Variants in CDH2 observed in about 807,000 individuals in gnomAD.
CDH2 encodes the protein cadherin-2.
Under a neutral mutation model 92.0 loss-of-function variants are expected in CDH2, and 17 were observed. The observed-to-expected ratio is 0.18, with a 90% CI of 0.13 to 0.28. CDH2 has a LOEUF of 0.28. Ranked by LOEUF, CDH2 falls within the 10% of genes least tolerant of loss-of-function variation. The pLI is 1.00. For missense variants in CDH2, 862 were observed against 1,133.1 expected (o/e 0.76, Z 3.44); for synonymous variants, 419 against 415.9 (o/e 1.01, Z -0.09).
rs1269263873 is a variant in CDH2 at position 28,079,224 on chromosome 18, G to GT, written c.173-65316dup. Reference sequence around the variant, plus strand: ...ATCATCATCCATGAATGGGATAAGTGTTTTTTCTCATCCTCCCTTCAGATT... The same window carrying GT: ...ATCATCATCCATGAATGGGATAAGTGTTTTTTTCTCATCCTCCCTTCAGATT... On this transcript the variant is annotated intron_variant, in intron 2 of 15. Coordinates refer to ENST00000269141, the MANE Select transcript of CDH2 (RefSeq NM_001792.5). 1.5e-4 allele frequency among the ~76,000 whole-genome samples: 23 copies of GT among 152,224 alleles called. 1 individual carries two copies. The highest frequency in any genetic ancestry group is 1.3e-3 in the Admixed American group (20 of 15,292).
rs556495636 is a variant in CDH2 at position 28,045,623 on chromosome 18, T to C, written c.173-31714A>G. 71 of 307,256 alleles carry C rather than the reference T, an allele frequency of 2.3e-4. 2 individuals are homozygous for C. The highest frequency in any genetic ancestry group is 2.0e-3 in the South Asian group (68 of 34,266). 19.0% of individuals were successfully genotyped at this position (307,256 alleles called of 1,614,324 possible). ...AAGCACCTGGGCCAGTGGCTACTCA[T>C]CTTTTAAGGGTCATTTCCTTTATGA... is the stretch of plus-strand genomic sequence containing the variant. On this transcript the variant is annotated intron_variant, in intron 2 of 15. Transcript: ENST00000269141.
At chr18:28,133,535 T>C (rs943221163) in intron 2 of CDH2, among the ~76,000 whole-genome samples, 11 of 145,682 alleles carry the variant, frequency 7.6e-5, no homozygotes, top group African/African-American at 2.3e-4. Context: ...TGAGCCGAGA[T>C]TGCGCCACTG....
intron 6 of CDH2, among the ~76,000 whole-genome samples, chr18:28,003,909 T>C (rs1055552842): frequency 6.6e-6 from 1 of 152,202 alleles, no homozygotes; most frequent in Non-Finnish European, 1.5e-5. Flanking sequence ...AGTGGTTTGT[T>C]CTGTGGGATC....
At chr18:27,944,879 C>T (rs1365274411) in intron 6 of CDH2, among the ~76,000 whole-genome samples, 1 of 151,910 alleles carries the variant, frequency 6.6e-6, no homozygotes, top group African/African-American at 2.4e-5. Context: ...ATCATGCCAC[C>T]GCACTCCAGA....
At chr18:27,959,129 A>G (rs756575626) in intron 15 of CDH2, among the ~76,000 whole-genome samples, 2 of 152,224 alleles carry the variant, frequency 1.3e-5, no homozygotes, top group African/African-American at 2.4e-5. Context: ...GTATATTAAT[A>G]TCTAACTGTT....
At chr18:28,168,083 C>T (rs1037038666) in intron 1 of CDH2, among the ~76,000 whole-genome samples, 1 of 152,084 alleles carries the variant, frequency 6.6e-6, no homozygotes, top group Non-Finnish European at 1.5e-5. Context: ...GATTACATCC[C>T]CTTTCAATTT....
intron 2 of CDH2, among the ~76,000 whole-genome samples, chr18:28,094,553 A>C (rs1237365): frequency 2.0e-5 from 3 of 151,364 alleles, no homozygotes. Flanking sequence ...CCAGCACTTT[A>C]GGAGGCTGAG....
chr18:27,986,568 C>T (rs1011418701), intron 11 of CDH2, among the ~76,000 whole-genome samples: 2 of 152,166 alleles, frequency 1.3e-5, no homozygotes, highest in Admixed American at 6.5e-5. Context: ...AATATTCACA[C>T]ACACACAAAT....
chr18:27,946,059 T>C (rs1909260699), downstream of CDH2, among the ~76,000 whole-genome samples: 1 of 152,168 alleles, frequency 6.6e-6, no homozygotes, highest in Non-Finnish European at 1.5e-5. Context: ...TACTGAAAGT[T>C]ACTGAGCAAG....
At chr18:28,065,857 C>A (rs545156571) in intron 2 of CDH2, among the ~76,000 whole-genome samples, 2 of 152,260 alleles carry the variant, frequency 1.3e-5, no homozygotes, top group East Asian at 1.9e-4. Flanking sequence ...ATTGGCAACA[C>A]CAAACTTAAA....
Position 27,952,216 on chromosome 18 carries a change from G to A in CDH2, c.2658C>T (p.Tyr886=), listed in dbSNP as rs1388837995. 1 of 1,613,672 alleles carries A rather than the reference G, an allele frequency of 6.2e-7. No homozygotes were observed. The highest frequency in any genetic ancestry group is 8.5e-7 in the Non-Finnish European group (1 of 1,179,732). Residue 886 remains tyrosine, a synonymous_variant, in exon 16 of 16, where the codon TAC becomes TAT. Transcript: ENST00000269141. ...SSSGGEQDYD[Y]LNDWGPRFKK... ...TGAACCGTGGCCCCCAGTCGTTCAG[G>A]TAATCATAGTCCTGCTCACCACCAC...
At chr18:28,132,690 C>A (rs1490093702) in intron 2 of CDH2, among the ~76,000 whole-genome samples, 4 of 152,142 alleles carry the variant, frequency 2.6e-5, no homozygotes, top group African/African-American at 9.7e-5. Flanking sequence ...GGAGCAGATA[C>A]CCAAACACTA....
chr18:28,147,235 CTA>C (rs2016049435), intron 2 of CDH2, among the ~76,000 whole-genome samples: 1 of 151,938 alleles, frequency 6.6e-6, no homozygotes, highest in Non-Finnish European at 1.5e-5. Context: ...TGTAATTCAG[CTA>C]TATATTAAAG....
chr18:27,995,299 A>G (rs2012545410), intron 7 of CDH2, among the ~76,000 whole-genome samples: 1 of 128,192 alleles, frequency 7.8e-6, no homozygotes. Context: ...GGGCGACAGA[A>G]TGAGACTCCA....
At chr18:28,008,434 A>C (rs1032913814) in intron 5 of CDH2, among the ~76,000 whole-genome samples, 1 of 152,216 alleles carries the variant, frequency 6.6e-6, no homozygotes, top group Middle Eastern at 3.2e-3. Flanking sequence ...TACTCAGTGC[A>C]TAAGACATTT....
intron 15 of CDH2, among the ~76,000 whole-genome samples, chr18:27,957,448 T>TTA (rs1555627702): frequency 1.3e-5 from 2 of 151,808 alleles, no homozygotes; most frequent in East Asian, 1.9e-4. Context: ...AGGGTTTTTT[T>TTA]ATCAGGTTGC....
chr18:28,031,022 C>T lies in CDH2; in HGVS notation c.173-17113G>A, dbSNP rs530294022. The stretch of plus-strand genomic sequence containing the variant: ...TTAACCAATCTTAAGGTTTTAAAAA[C>T]CACCTGTACCAAGATGAATCTTGAA... On this transcript the variant is annotated intron_variant, in intron 2 of 15. Coordinates refer to ENST00000269141, the MANE Select transcript of CDH2 (RefSeq NM_001792.5). 3.3e-5 allele frequency among the ~76,000 whole-genome samples: 5 copies of T among 151,470 alleles called. No homozygotes were observed. In the East Asian group the frequency reaches 9.8e-4, roughly 30 times the overall value.
At chr18:27,978,370 G>A (rs569736142) in intron 14 of CDH2, among the ~76,000 whole-genome samples, 4 of 152,214 alleles carry the variant, frequency 2.6e-5, no homozygotes, top group African/African-American at 7.2e-5. Flanking sequence ...AGGTAGTACC[G>A]CATAGAACAG....
In CDH2 at chr18:28,172,076, GGTGTGT is replaced by G. The variant is rs34158369; in HGVS notation, c.60+4881_60+4886del. Among the ~76,000 whole-genome samples, 219 of 146,562 alleles carry G rather than the reference GGTGTGT, an allele frequency of 1.5e-3. 1 individual carries two copies. The highest frequency in any genetic ancestry group is 4.9e-3 in the African/African-American group (196 of 40,176). On this transcript the variant is annotated intron_variant, in intron 1 of 15. Transcript: ENST00000269141. ...ATAGCAGTCCTCAACATACATTTGG[GGTGTGT>G]GTGTGTGTGTGTGTGTGTGTGCGTG...
Sources: gnomAD v4.1 joint callset for allele counts (sites outside exome capture counted in the v4.1 genomes callset) on GRCh38, gnomAD v4.1.1 for gene constraint, MANE v1.5 for transcripts, NCBI Gene and HGNC (gene_info 2026-07-23, HGNC 2026-07-21) for gene names.